Variants in SLC16A10 observed in about 807,000 individuals in gnomAD.
SLC16A10 encodes the protein monocarboxylate transporter 10.
A neutral mutation model predicts 40.0 loss-of-function variants in SLC16A10; 27 were observed. That is an observed-to-expected ratio of 0.67 (90% CI 0.50 to 0.93). The LOEUF (loss-of-function observed/expected upper bound fraction) is 0.93. Ranked by LOEUF, SLC16A10 falls within the 40% of genes least tolerant of loss-of-function variation. SLC16A10 has a pLI of 0.00. For synonymous variants in SLC16A10, 213 were observed against 249.8 expected, an observed-to-expected ratio of 0.85 and a Z score of 1.39; for missense variants, 529 against 658.2, an observed-to-expected ratio of 0.80 and a Z score of 2.15.
Position 111,217,307 on chromosome 6 carries a change from T to TCG in SLC16A10, c.1087-1506_1087-1505insGC, listed in dbSNP as rs1486254063. On this transcript the variant is annotated intron_variant, in intron 4 of 5. Transcript: ENST00000368851. Reference sequence around the variant, plus strand: ...TGAGGATCACCAGTGAGATAATCAATCTAAAGTGCTTACAACAATGCTTGG... The same window carrying TCG: ...TGAGGATCACCAGTGAGATAATCAATCGCTAAAGTGCTTACAACAATGCTTGG... 4.9e-3 allele frequency among the ~76,000 whole-genome samples: 747 copies of TCG among 152,344 alleles called. 1 individual carries two copies. The highest frequency in any genetic ancestry group is 0.013 in the South Asian group (64 of 4,830).
intron 1 of SLC16A10, among the ~76,000 whole-genome samples, chr6:111,103,510 G>T (rs1464992026): frequency 6.6e-6 from 1 of 152,168 alleles, no homozygotes; most frequent in African/African-American, 2.4e-5. Context: ...GAGCCACCAT[G>T]TCCAGCCACC....
chr6:111,105,378 C>T (rs999853982), intron 1 of SLC16A10, among the ~76,000 whole-genome samples: 2 of 152,100 alleles, frequency 1.3e-5, no homozygotes, highest in Admixed American at 6.6e-5. Flanking sequence ...AAAGAGTTAT[C>T]TAGGAGAGCT....
rs531084635 is a variant in SLC16A10 at position 111,177,531 on chromosome 6, C to T, written c.808C>T (p.Leu270Phe). 84 of 1,613,634 alleles carry T rather than the reference C, an allele frequency of 5.2e-5. 1 individual carries two copies. In the South Asian group the frequency reaches 8.6e-4, roughly 16 times the overall value. Residue 270 changes from leucine to phenylalanine, a missense_variant, in exon 3 of 6, where the codon CTC becomes TTC. By Grantham distance (22) the Leu-to-Phe change is conservative (BLOSUM62 0). Transcript: ENST00000368851. The part of the protein sequence containing the change: ...DKESGGSGSS[L>F]FSRKKFSPPK... Reference sequence around the variant, plus strand: ...AGAGAGTGGAGGTAGCGGATCCTCCCTCTTTTCCAGGAAAAAGTTCAGTCC... The same window carrying T: ...AGAGAGTGGAGGTAGCGGATCCTCCTTCTTTTCCAGGAAAAAGTTCAGTCC...
intron 1 of SLC16A10, among the ~76,000 whole-genome samples, chr6:111,094,001 T>C (rs552989493): frequency 6.6e-6 from 1 of 152,258 alleles, no homozygotes; most frequent in South Asian, 2.1e-4. Context: ...AATACAACAA[T>C]GTGAGATTCC....
intron 5 of SLC16A10, among the ~76,000 whole-genome samples, chr6:111,219,466 T>A (rs1191920786): frequency 1.3e-5 from 2 of 151,952 alleles, no homozygotes; most frequent in Admixed American, 6.6e-5. Flanking sequence ...AGGTCAAGGC[T>A]GCAGTGAGCT....
At chr6:111,163,872 A>G (rs778952622) in intron 1 of SLC16A10, among the ~76,000 whole-genome samples, 41 of 152,238 alleles carry the variant, frequency 2.7e-4, no homozygotes, top group Non-Finnish European at 5.3e-4. Context: ...TTCCAAACAA[A>G]CAATCCATCT....
At chr6:111,170,094 T>A (rs1490870542) in intron 1 of SLC16A10, among the ~76,000 whole-genome samples, 1 of 151,868 alleles carries the variant, frequency 6.6e-6, no homozygotes, top group East Asian at 1.9e-4. Flanking sequence ...ATTTTTGTAT[T>A]TTTAGTAGAG....
chr6:111,207,850 G>A (rs181918504), intron 4 of SLC16A10, among the ~76,000 whole-genome samples: 1 of 152,306 alleles, frequency 6.6e-6, no homozygotes, highest in Non-Finnish European at 1.5e-5. Context: ...TGGTTGGGGG[G>A]ATGGACAGGA....
intron 5 of SLC16A10, among the ~76,000 whole-genome samples, chr6:111,221,404 G>A (rs926975476): frequency 2.6e-5 from 4 of 152,018 alleles, no homozygotes; most frequent in African/African-American, 7.3e-5. Flanking sequence ...TTTGAATTAT[G>A]ATGTTAAATA....
At chr6:111,129,422 A>G (rs960887712) in intron 1 of SLC16A10, among the ~76,000 whole-genome samples, 16 of 152,260 alleles carry the variant, frequency 1.1e-4, no homozygotes, top group Non-Finnish European at 2.2e-4. Context: ...GTGAATAGGC[A>G]ATGCATTATA....
chr6:111,140,589 A>G (rs1771965220), intron 1 of SLC16A10, among the ~76,000 whole-genome samples: 1 of 152,182 alleles, frequency 6.6e-6, no homozygotes, highest in South Asian at 2.1e-4. Context: ...CTATGGAGGT[A>G]TGTCAGTGGA....
In SLC16A10 at chr6:111,177,573, A is replaced by G. The variant is rs1772710802; in HGVS notation, c.850A>G (p.Asn284Asp). Residue 284 changes from asparagine (N) to aspartate (D), a missense_variant, in exon 3 of 6, where the codon AAT becomes GAT. Coordinates refer to ENST00000368851, the MANE Select transcript of SLC16A10 (RefSeq NM_018593.5). ...KKFSPPKKIF[N>D]FAIFKVTAYA... Reference sequence around the variant, plus strand: ...GTTCAGTCCTCCAAAAAAAATTTTCAATTTTGCCATCTTCAAGGTGACAGC... The same window carrying G: ...GTTCAGTCCTCCAAAAAAAATTTTCGATTTTGCCATCTTCAAGGTGACAGC... 2 of 1,612,090 alleles carry G rather than the reference A, an allele frequency of 1.2e-6. No individual in the cohort carries two copies. The highest frequency in any genetic ancestry group is 1.3e-5 in the African/African-American group (1 of 74,730).
chr6:111,197,312 A>C (rs1562430258), intron 3 of SLC16A10, among the ~76,000 whole-genome samples: 1 of 152,186 alleles, frequency 6.6e-6, no homozygotes, highest in Admixed American at 6.5e-5. Flanking sequence ...GGAAGGATCC[A>C]TTTTTCTTCA....
intron 3 of SLC16A10, chr6:111,178,431 C>T (rs756587167): frequency 9.6e-5 from 51 of 531,834 alleles, no homozygotes; most frequent in African/African-American, 4.8e-4. Flanking sequence ...TACTGAAATA[C>T]GAATAATTAA....
At chr6:111,097,405 G>T (rs1320310763) in intron 1 of SLC16A10, among the ~76,000 whole-genome samples, 1 of 151,978 alleles carries the variant, frequency 6.6e-6, no homozygotes, top group African/African-American at 2.4e-5. Flanking sequence ...TCCGATGCCT[G>T]GGTTCAAGCG....
chr6:111,100,959 C>CCTCTCTCT (rs71021825), intron 1 of SLC16A10, among the ~76,000 whole-genome samples: 1 of 81,466 alleles, frequency 1.2e-5, no homozygotes, highest in African/African-American at 4.8e-5. Flanking sequence ...TCTTTCTCTC[C>CCTCTCTCT]CTCTCTCTCT....
chr6:111,196,208 C>G (rs895535843), intron 3 of SLC16A10, among the ~76,000 whole-genome samples: 1 of 151,980 alleles, frequency 6.6e-6, no homozygotes, highest in Admixed American at 6.6e-5. Context: ...ATGATGGCAG[C>G]TGCCTATAGT....
chr6:111,222,473 T>C lies in SLC16A10; in HGVS notation c.*238T>C. 2.5e-6 allele frequency: 1 copy of C among 403,100 alleles called. No homozygotes were observed. Among genetic ancestry groups the C allele is most frequent in the East Asian group, 5.8e-5 (1 of 17,282 alleles). 25.0% of individuals were successfully genotyped at this position (403,100 alleles called of 1,614,324 possible). A position where few individuals can be genotyped will look rare whatever the true frequency, so the allele number is the denominator to read the frequency against. ...TATGAAAACGTCTGAAAGTCACATA[T>C]TGTGAAAATTTGAAGCTATCTCAGT... is the stretch of plus-strand genomic sequence containing the variant. On this transcript the variant is annotated 3_prime_UTR_variant, in exon 6 of 6. Coordinates refer to ENST00000368851, the MANE Select transcript of SLC16A10 (RefSeq NM_018593.5).
At chr6:111,207,485 T>C (rs180750876) in intron 4 of SLC16A10, among the ~76,000 whole-genome samples, 268 of 152,354 alleles carry the variant, frequency 1.8e-3, no homozygotes, top group Non-Finnish European at 7.8e-4. Context: ...AGTGACTCCT[T>C]CATGCCACAC....
Sources: allele counts gnomAD v4.1 joint callset (sites outside exome capture counted in the v4.1 genomes callset), GRCh38; gene constraint gnomAD v4.1.1; transcripts MANE v1.5; gene names NCBI Gene and HGNC (gene_info 2026-07-23, HGNC 2026-07-21).